Variants in DNAH2 observed in about 807,000 individuals in gnomAD.
The protein encoded by DNAH2 is dynein axonemal heavy chain 2, also known as axonemal beta dynein heavy chain 2.
Under a neutral mutation model 523.5 loss-of-function variants are expected in DNAH2, and 323 were observed. The observed-to-expected ratio is 0.62, with a 90% confidence interval of 0.56 to 0.68. The LOEUF (loss-of-function observed/expected upper bound fraction) is 0.68, where lower values mean the gene tolerates loss of function less well. Among genes scored for constraint, DNAH2 ranks in the 30% least tolerant of loss-of-function variants. The pLI is 0.00. For missense variants in DNAH2, 4,907 were observed against 5,701.5 expected, an observed-to-expected ratio of 0.86 and a Z score of 4.49; for synonymous variants, 2,093 against 2,177.4, an observed-to-expected ratio of 0.96 and a Z score of 1.08.
At chr17:7,813,042 G>A (rs1022055620) in intron 63 of DNAH2, among the ~76,000 whole-genome samples, 1 of 152,022 alleles carries the variant, frequency 6.6e-6, no homozygotes, top group African/African-American at 2.4e-5. Context: ...GAGAGTCAAG[G>A]AACAGGTAAC....
Position 7,831,572 on chromosome 17 carries a change from G to A in DNAH2, c.12611+31G>A. The A allele has an allele frequency of 6.2e-7, 1 of 1,614,046 alleles. No individual in the cohort carries two copies. Among genetic ancestry groups the A allele is most frequent in the Non-Finnish European group, 8.5e-7 (1 of 1,179,956 alleles). On this transcript the variant is annotated intron_variant, in intron 81 of 85. Transcript: ENST00000572933. The surrounding 1 kb of genome is among the most constrained non-coding windows in gnomAD (Gnocchi z 4.2). The stretch of plus-strand genomic sequence containing the variant: ...ACAGAGGGGGACTCTGCGGAACAGG[G>A]GAGGGTGTGAGGAGAAGCCTTTGCC...
intron 28 of DNAH2, among the ~76,000 whole-genome samples, chr17:7,773,555 G>A (rs2076372946): frequency 6.6e-6 from 1 of 152,106 alleles, no homozygotes; most frequent in African/African-American, 2.4e-5. Context: ...CCATCAATCA[G>A]AACATGTTTC....
Position 7,821,809 on chromosome 17 carries a change from C to T in DNAH2, c.11142+440C>T, listed in dbSNP as rs940553338. 1.3e-5 allele frequency among the ~76,000 whole-genome samples: 2 copies of T among 152,130 alleles called. No homozygotes were observed. Among genetic ancestry groups the T allele is most frequent in the South Asian group, 2.1e-4 (1 of 4,830 alleles). On this transcript the variant is annotated intron_variant, in intron 73 of 85. Coordinates refer to ENST00000572933, the MANE Select transcript of DNAH2 (RefSeq NM_020877.5). This position sits in a 1 kb window ranked among gnomAD's most constrained non-coding sequence, Gnocchi z 5.0. ...GCGCGGCCAGTGCACTGAGCATGGCCGGAGAAGAACACATCCACACCGACT... is the reference window on the plus strand; with the variant it reads ...GCGCGGCCAGTGCACTGAGCATGGCTGGAGAAGAACACATCCACACCGACT...
intron 11 of DNAH2, 46 bp from the exon 12 acceptor site, chr17:7,742,882 G>GAA: frequency 4.7e-6 from 6 of 1,276,782 alleles, no homozygotes; most frequent in Non-Finnish European, 6.0e-6. Context: ...GGCCCCTGGA[G>GAA]GAAGGTGGCA....
chr17:7,808,139 G>A (rs2151305290), intron 63 of DNAH2, among the ~76,000 whole-genome samples: 1 of 152,288 alleles, frequency 6.6e-6, no homozygotes, highest in Middle Eastern at 3.4e-3. Context: ...GGGAGGCCGA[G>A]GTAGGTGGAC....
rs555341176 is a variant in DNAH2, at chr17:7,812,078, T to C, written c.9729+4492T>C. Among the ~76,000 whole-genome samples the C allele has an allele frequency of 1.4e-3, 209 of 152,342 alleles. 1 individual carries two copies. Among genetic ancestry groups the C allele is most frequent in the Non-Finnish European group, 2.5e-4 (17 of 68,030 alleles). On this transcript the variant is annotated intron_variant, in intron 63 of 85. Coordinates refer to ENST00000572933, the MANE Select transcript of DNAH2 (RefSeq NM_020877.5). Reference sequence around the variant, plus strand: ...AGAAACCCAATAGCATTTGAGGTAATGAGGATACACAGAGAAAATCTTGGT... The same window carrying C: ...AGAAACCCAATAGCATTTGAGGTAACGAGGATACACAGAGAAAATCTTGGT...
intron 76 of DNAH2, 93 bp from the exon 77 acceptor site, chr17:7,824,444 C>G (rs1364341804): frequency 1.4e-6 from 2 of 1,392,528 alleles, no homozygotes; most frequent in Non-Finnish European, 1.9e-6. Flanking sequence ...GTGTTAGGCC[C>G]CCCCAGCACC....
chr17:7,817,521 C>A, intron 65 of DNAH2, 40 bp from the exon 66 acceptor site: 1 of 1,613,684 alleles, frequency 6.2e-7, no homozygotes, highest in South Asian at 1.1e-5. Context: ...CTGCTGGGCT[C>A]AGCTCTTCAA....
rs1004986565 is a variant in DNAH2 at position 7,719,891 on chromosome 17, G to A, written c.157G>A (p.Glu53Lys). The A allele has an allele frequency of 2.6e-6, 4 of 1,548,452 alleles. No homozygotes were observed. Among genetic ancestry groups the A allele is most frequent in the South Asian group, 2.5e-5 (2 of 80,228 alleles). The change falls in exon 2 of 86, where the codon GAG (glutamate) becomes AAG (lysine). Residue 53 changes from glutamate (E) to lysine (K), a missense_variant. Glu to Lys is a moderately conservative substitution (Grantham distance 56). Coordinates refer to ENST00000572933, the MANE Select transcript of DNAH2 (RefSeq NM_020877.5). ...AGAGCTGCAGGCTGAGCTCCCCAAG[G>A]AGGAGCCTGGTGGGTACTTGCTGGG... The part of the protein sequence containing the change: ...EPELQAELPK[E>K]EPEPRLEGPQ...
Position 7,818,343 on chromosome 17 carries a change from G to A in DNAH2, c.10419G>A (p.Lys3473=), listed in dbSNP as rs768072434. The A allele has an allele frequency of 1.2e-6, 2 of 1,614,186 alleles. No homozygotes were observed. Among genetic ancestry groups the A allele is most frequent in the Non-Finnish European group, 1.7e-6 (2 of 1,180,024 alleles). Residue 3473 remains lysine, a synonymous_variant, in exon 69 of 86, where the codon AAG becomes AAA. Transcript: ENST00000572933. ...GGRLLMRIGD[K]EVEYNTNFRF... ...GGCTGTTGATGCGCATTGGCGATAA[G>A]GAGGTGGAATATAATACCAATTTCC...
intron 44 of DNAH2, 47 bp downstream of exon 44, chr17:7,788,291 G>C (rs2076801709): frequency 6.6e-7 from 1 of 1,510,790 alleles, no homozygotes. Context: ...GGTGCTCACA[G>C]CCTCACCAGA....
chr17:7,797,886 A>G (rs8072174), intron 53 of DNAH2, 57 bp downstream of exon 53: 426,778 of 1,542,262 alleles, frequency 0.28, 62,857 homozygotes, highest in Middle Eastern at 0.3. Context: ...GGGTATGTCT[A>G]AGGAAATAGG....
At chr17:7,824,397 C>T in intron 76 of DNAH2, 93 bp downstream of exon 76, 2 of 1,456,904 alleles carry the variant, frequency 1.4e-6, no homozygotes, top group Non-Finnish European at 1.8e-6. Context: ...CCTGTACCTC[C>T]CACTTCTACA....
chr17:7,800,662 C>A (rs535186042), intron 56 of DNAH2, among the ~76,000 whole-genome samples: 1 of 149,986 alleles, frequency 6.7e-6, no homozygotes, highest in Non-Finnish European at 1.5e-5. Flanking sequence ...GTCAGGAGAT[C>A]GAGACCATCC....
At chr17:7,768,713 C>T (rs1334588265) in intron 24 of DNAH2, among the ~76,000 whole-genome samples, 1 of 152,194 alleles carries the variant, frequency 6.6e-6, no homozygotes, top group African/African-American at 2.4e-5. Context: ...CCACCCCCAG[C>T]CCCTGGTAAC....
intron 77 of DNAH2, among the ~76,000 whole-genome samples, chr17:7,825,283 C>CTGAA (rs2077987868): frequency 1.3e-5 from 2 of 152,330 alleles, no homozygotes; most frequent in South Asian, 4.1e-4. Flanking sequence ...TGTCACTGCG[C>CTGAA]TTCACCCACT....
At position 7,778,070 on chromosome 17, in the gene DNAH2, T is replaced by C; in HGVS notation, c.5248-7T>C. The C allele has an allele frequency of 1.2e-6, 2 of 1,611,330 alleles. No individual in the cohort carries two copies. Among genetic ancestry groups the C allele is most frequent in the Non-Finnish European group, 1.7e-6 (2 of 1,177,406 alleles). ...ACCTCTCTCTTTTTCTGCGCTGTTT[T>C]CCCCAGGATCTTGATGACTGTGTCA... On this transcript the variant is annotated splice_polypyrimidine_tract_variant and splice_region_variant and intron_variant, in intron 33 of 85. Coordinates refer to ENST00000572933, the MANE Select transcript of DNAH2 (RefSeq NM_020877.5).
In DNAH2 at chr17:7,740,683, G is replaced by C; in HGVS notation, c.1507-127G>C. 2.0e-6 allele frequency: 3 copies of C among 1,532,276 alleles called. No homozygotes were observed. In the South Asian group the frequency reaches 3.8e-5, roughly 19 times the overall value. The allele number at this position is 1,532,276 out of a possible 1,614,324, so 94.9% of individuals were successfully genotyped here. ...TTCGGGCGCCTCTTGTCTTTCTTCT[G>C]TTCCCTGGCTTCGGCGTCCCCGGGA... On this transcript the variant is annotated intron_variant, in intron 10 of 85. Transcript: ENST00000572933.
chr17:7,803,200 G>A (rs1036296817), intron 58 of DNAH2, among the ~76,000 whole-genome samples: 4 of 152,070 alleles, frequency 2.6e-5, no homozygotes, highest in East Asian at 1.9e-4. Context: ...CAATACACCC[G>A]CCGCTTCTGA....
Sources: allele counts gnomAD v4.1 joint callset (sites outside exome capture counted in the v4.1 genomes callset), GRCh38; gene constraint gnomAD v4.1.1; non-coding constraint Gnocchi (gnomAD v3.1); transcripts MANE v1.5; gene names NCBI Gene and HGNC (gene_info 2026-07-23, HGNC 2026-07-21).